Variants in ZNF385D observed in about 807,000 individuals in gnomAD.
ZNF385D encodes the protein zinc finger protein 385D.
A neutral mutation model predicts 35.8 loss-of-function variants in ZNF385D; 15 were observed. That is an observed-to-expected ratio of 0.42 (90% CI 0.28 to 0.64). The LOEUF is 0.64. Ranked by LOEUF, ZNF385D falls within the 30% of genes least tolerant of loss-of-function variation. ZNF385D has a pLI of 0.23. For missense variants in ZNF385D, 474 were observed against 494.6 expected (o/e 0.96, Z 0.39); for synonymous variants, 212 against 186.8 (o/e 1.13, Z -1.10).
At chr3:21,813,353 G>A (rs2073014569) in intron 3 of ZNF385D, among the ~76,000 whole-genome samples, 1 of 152,220 alleles carries the variant, frequency 6.6e-6, no homozygotes, top group South Asian at 2.1e-4. Context: ...GAATGACTTT[G>A]ACGAGTTGAC....
intron 3 of ZNF385D, among the ~76,000 whole-genome samples, chr3:21,988,477 G>C (rs1694945796): frequency 7.1e-6 from 1 of 140,168 alleles, no homozygotes; most frequent in East Asian, 2.1e-4. Context: ...CAGTTAGGCT[G>C]CTCGGGGGTC....
chr3:22,331,389 A>T (rs543516324), intron 2 of ZNF385D, among the ~76,000 whole-genome samples: 12 of 152,296 alleles, frequency 7.9e-5, no homozygotes, highest in African/African-American at 2.9e-4. Flanking sequence ...AGAAACTCTA[A>T]CAATGGTTAT....
At chr3:21,544,385 T>G (rs2125575214) in intron 3 of ZNF385D, among the ~76,000 whole-genome samples, 1 of 152,320 alleles carries the variant, frequency 6.6e-6, no homozygotes, top group South Asian at 2.1e-4. Flanking sequence ...TTATCGACAT[T>G]ACTAGAAATG....
At chr3:21,868,180 C>G (rs1020973106) in intron 3 of ZNF385D, among the ~76,000 whole-genome samples, 1 of 152,100 alleles carries the variant, frequency 6.6e-6, no homozygotes, top group African/African-American at 2.4e-5. Flanking sequence ...TAAGCTCGTG[C>G]ACGATGCAGT....
At chr3:21,930,494 G>A (rs1293764938) in intron 3 of ZNF385D, among the ~76,000 whole-genome samples, 1 of 152,052 alleles carries the variant, frequency 6.6e-6, no homozygotes, top group Non-Finnish European at 1.5e-5. Flanking sequence ...TCAAGAAAGT[G>A]ATAAGTATAT....
intron 1 of ZNF385D, among the ~76,000 whole-genome samples, chr3:21,717,351 T>C (rs1371842420): frequency 1.3e-5 from 2 of 152,202 alleles, no homozygotes; most frequent in Non-Finnish European, 2.9e-5. Context: ...GAAACTCTCT[T>C]AAATTTTCAA....
At chr3:21,707,696 A>G (rs2067958238) in intron 1 of ZNF385D, among the ~76,000 whole-genome samples, 1 of 152,200 alleles carries the variant, frequency 6.6e-6, no homozygotes, top group African/African-American at 2.4e-5. Context: ...TCGAATATAG[A>G]TATAAATTTA....
chr3:21,707,989 C>A (rs1250897741), intron 1 of ZNF385D, among the ~76,000 whole-genome samples: 1 of 152,116 alleles, frequency 6.6e-6, no homozygotes, highest in African/African-American at 2.4e-5. Context: ...CTGGGTCCGG[C>A]ACTACGGGCA....
intron 2 of ZNF385D, among the ~76,000 whole-genome samples, chr3:22,345,479 G>A (rs1295906805): frequency 1.3e-5 from 2 of 152,132 alleles, no homozygotes; most frequent in Non-Finnish European, 2.9e-5. Flanking sequence ...TCTTTTGACA[G>A]TAAATGACAA....
chr3:22,132,325 G>C (rs1703850913), intron 3 of ZNF385D, among the ~76,000 whole-genome samples: 1 of 152,134 alleles, frequency 6.6e-6, no homozygotes, highest in Non-Finnish European at 1.5e-5. Flanking sequence ...ACATTCATCA[G>C]ATACCAAATC....
chr3:21,759,935 G>A (rs1006350080), intron 3 of ZNF385D, among the ~76,000 whole-genome samples: 1 of 152,136 alleles, frequency 6.6e-6, no homozygotes, highest in African/African-American at 2.4e-5. Flanking sequence ...AATGTTGCAA[G>A]AATTCACAAA....
intron 3 of ZNF385D, among the ~76,000 whole-genome samples, chr3:21,786,053 C>A (rs2071677371): frequency 6.6e-6 from 1 of 151,398 alleles, no homozygotes. Flanking sequence ...CTTCATTTAA[C>A]CTTCATAAAA....
chr3:21,702,753 C>G (rs773560678), intron 1 of ZNF385D, among the ~76,000 whole-genome samples: 1 of 152,180 alleles, frequency 6.6e-6, no homozygotes, highest in African/African-American at 2.4e-5. Flanking sequence ...CTCTCACGTT[C>G]AAAGTTCCAC....
intron 2 of ZNF385D, among the ~76,000 whole-genome samples, chr3:22,205,820 G>A (rs1461988500): frequency 6.6e-6 from 1 of 151,780 alleles, no homozygotes; most frequent in Admixed American, 6.6e-5. Flanking sequence ...TCACTAAAAG[G>A]AAGAAGGAAG....
At chr3:22,025,686 C>G (rs1475306196) in intron 3 of ZNF385D, among the ~76,000 whole-genome samples, 2 of 152,126 alleles carry the variant, frequency 1.3e-5, no homozygotes, top group Non-Finnish European at 2.9e-5. Context: ...AATGCCTGAT[C>G]TCCCTTGGTT....
intron 3 of ZNF385D, among the ~76,000 whole-genome samples, chr3:22,079,995 T>A (rs763256220): frequency 1.3e-5 from 2 of 152,066 alleles, no homozygotes; most frequent in African/African-American, 4.8e-5. Flanking sequence ...TTTAAATATA[T>A]GTTCAGAGAA....
chr3:22,045,233 A>G (rs370908445), intron 3 of ZNF385D, among the ~76,000 whole-genome samples: 1 of 152,038 alleles, frequency 6.6e-6, no homozygotes, highest in East Asian at 1.9e-4. Flanking sequence ...CAGGTCTTAT[A>G]TTTAAGTCTT....
chr3:22,171,230 G>T (rs924912244), intron 2 of ZNF385D, among the ~76,000 whole-genome samples: 9 of 152,156 alleles, frequency 5.9e-5, no homozygotes, highest in African/African-American at 2.2e-4. Context: ...CAGTAGGTGT[G>T]CCCTTGTAAC....
intron 2 of ZNF385D, among the ~76,000 whole-genome samples, chr3:22,347,925 T>G (rs1317783235): frequency 6.6e-6 from 1 of 152,158 alleles, no homozygotes; most frequent in Non-Finnish European, 1.5e-5. Context: ...ATATCTAGAG[T>G]TGCCTTCAAT....
Sources: gnomAD v4.1 joint callset for allele counts (sites outside exome capture counted in the v4.1 genomes callset) on GRCh38, gnomAD v4.1.1 for gene constraint, MANE v1.5 for transcripts, NCBI Gene and HGNC (gene_info 2026-07-23, HGNC 2026-07-21) for gene names.